Variants in CHLSN observed in about 807,000 individuals in gnomAD.
CHLSN encodes the protein protein cholesin.
At chr7:1,114,570 T>C in the CHLSN span, among the ~76,000 whole-genome samples, 104,829 of 152,262 alleles carry the variant, frequency 0.69, 37,016 homozygotes, top group African/African-American at 0.84. Context: ...CCTAACGCTG[T>C]TCCTGCTCCA....
the CHLSN span, chr7:1,093,618 G>A: frequency 1.5e-5 from 7 of 471,098 alleles, no homozygotes; most frequent in Non-Finnish European, 2.2e-5. Context: ...GGGACCGTGC[G>A]AGCTGCCGTG....
At chr7:984,532 C>A in the CHLSN span, 1 of 1,554,902 alleles carries the variant, frequency 6.4e-7, no homozygotes, top group Admixed American at 1.9e-5. Flanking sequence ...GCTGGCCGAC[C>A]GGCCTCCCAT....
At chr7:1,131,881 G>A in the CHLSN span, among the ~76,000 whole-genome samples, 2 of 152,188 alleles carry the variant, frequency 1.3e-5, no homozygotes, top group South Asian at 4.1e-4. Context: ...CAAGCTTTGA[G>A]ATAATGAATG....
the CHLSN span, chr7:997,046 G>A: frequency 6.6e-6 from 1 of 152,422 alleles, no homozygotes; most frequent in Non-Finnish European, 1.5e-5. Flanking sequence ...AGCCACAGAG[G>A]CGGTTTCTGC....
At chr7:1,010,803 C>A in the CHLSN span, among the ~76,000 whole-genome samples, 1 of 152,200 alleles carries the variant, frequency 6.6e-6, no homozygotes, top group African/African-American at 2.4e-5. Context: ...CCGGGGCAGC[C>A]GGGCCACGGG....
chr7:1,019,466 G>A, the CHLSN span, among the ~76,000 whole-genome samples: 6 of 152,240 alleles, frequency 3.9e-5, no homozygotes, highest in Non-Finnish European at 8.8e-5. Flanking sequence ...GCACCGTGAG[G>A]AGGCTGGCCT....
chr7:1,041,235 C>T, the CHLSN span, among the ~76,000 whole-genome samples: 126 of 145,632 alleles, frequency 8.7e-4, 1 homozygote, highest in Middle Eastern at 3.6e-3. Context: ...CTCCGCGCTG[C>T]GGGGAAGGGG....
the CHLSN span, among the ~76,000 whole-genome samples, chr7:1,084,365 G>A: frequency 1.3e-5 from 2 of 152,254 alleles, no homozygotes; most frequent in Non-Finnish European, 2.9e-5. Context: ...GTGTCCGCCT[G>A]GCATGTGAGA....
the CHLSN span, among the ~76,000 whole-genome samples, chr7:1,110,879 A>G: frequency 6.6e-6 from 1 of 152,142 alleles, no homozygotes; most frequent in Non-Finnish European, 1.5e-5. Flanking sequence ...CAATATGTAC[A>G]TGGAAAATGA....
the CHLSN span, among the ~76,000 whole-genome samples, chr7:1,084,586 GC>G: frequency 6.6e-6 from 1 of 152,222 alleles, no homozygotes; most frequent in Admixed American, 6.5e-5. Context: ...CCCCACCCTT[GC>G]CCCTGGTGGA....
At chr7:1,031,502 C>CG in the CHLSN span, among the ~76,000 whole-genome samples, 8 of 30,974 alleles carry the variant, frequency 2.6e-4, no homozygotes, top group Non-Finnish European at 4.4e-4. Flanking sequence ...CAGAGTGGTC[C>CG]GGGGGGGCAG....
At chr7:1,010,337 G>A in the CHLSN span, among the ~76,000 whole-genome samples, 2 of 152,216 alleles carry the variant, frequency 1.3e-5, no homozygotes, top group African/African-American at 4.8e-5. Flanking sequence ...GTCACATGAG[G>A]ATGGCCAGTC....
the CHLSN span, chr7:1,127,224 AG>A: frequency 3.2e-6 from 5 of 1,564,220 alleles, no homozygotes; most frequent in Non-Finnish European, 4.3e-6. Flanking sequence ...TGGATCCCAG[AG>A]GGCAGGGCCA....
the CHLSN span, among the ~76,000 whole-genome samples, chr7:1,019,487 A>C: frequency 6.6e-6 from 1 of 152,238 alleles, no homozygotes. Context: ...GGCTGCTCAC[A>C]GCTCCCGGCA....
At chr7:1,069,155 A>C in the CHLSN span, among the ~76,000 whole-genome samples, 41 of 152,206 alleles carry the variant, frequency 2.7e-4, no homozygotes, top group South Asian at 2.9e-3. Context: ...CACATGGAGA[A>C]ACCCCGTCTG....
At chr7:1,086,463 G>A in the CHLSN span, among the ~76,000 whole-genome samples, 18 of 152,100 alleles carry the variant, frequency 1.2e-4, no homozygotes, top group Non-Finnish European at 1.5e-5. Context: ...TTCTACTGCT[G>A]GAAGAAAACT....
the CHLSN span, among the ~76,000 whole-genome samples, chr7:1,122,680 C>T: frequency 2.0e-5 from 3 of 152,180 alleles, no homozygotes; most frequent in African/African-American, 4.8e-5. Context: ...AAACCTCATC[C>T]TCACAACCCG....
the CHLSN span, among the ~76,000 whole-genome samples, chr7:1,109,095 A>G: frequency 1.1e-4 from 17 of 151,878 alleles, no homozygotes; most frequent in Non-Finnish European, 2.2e-4. Context: ...CAGGGTTTCA[A>G]CATGTTGGCC....
At chr7:998,083 G>T in the CHLSN span, among the ~76,000 whole-genome samples, 5 of 152,210 alleles carry the variant, frequency 3.3e-5, no homozygotes, top group African/African-American at 1.2e-4. Flanking sequence ...AGAAAAACGA[G>T]AAAATACGAC....
Sources: gnomAD v4.1 joint callset for allele counts (sites outside exome capture counted in the v4.1 genomes callset) on GRCh38, gnomAD v4.1.1 for gene constraint, MANE v1.5 for transcripts, NCBI Gene and HGNC (gene_info 2026-07-23, HGNC 2026-07-21) for gene names.